UBXN7: variants seen among roughly 807,000 people sequenced by gnomAD.
UBXN7 encodes the protein UBX domain protein 7.
In UBXN7, 9 loss-of-function variants were observed where a neutral mutation model predicts 58.0. The ratio of observed to expected loss-of-function variants is 0.16; its 90% CI spans 0.09 to 0.27. The LOEUF (loss-of-function observed/expected upper bound fraction) is 0.27, where lower values mean the gene tolerates loss of function less well. Among genes scored for constraint, UBXN7 ranks in the 10% least tolerant of loss-of-function variants. The pLI, the probability that UBXN7 is intolerant of heterozygous loss-of-function variation, is 1.00. For synonymous variants in UBXN7, 208 were observed against 205.0 expected, an observed-to-expected ratio of 1.01 and a Z score of -0.12; for missense variants, 328 against 599.6, an observed-to-expected ratio of 0.55 and a Z score of 4.73.
intron 5 of UBXN7, among the ~76,000 whole-genome samples, chr3:196,377,638 C>G (rs572109242): frequency 7.2e-5 from 11 of 151,990 alleles, no homozygotes; most frequent in African/African-American, 2.7e-4. Context: ...ATACAGCCCC[C>G]CTCTCTCCTT....
chr3:196,390,705 C>T (rs1729554798), intron 5 of UBXN7, among the ~76,000 whole-genome samples: 1 of 149,564 alleles, frequency 6.7e-6, no homozygotes, highest in Non-Finnish European at 1.5e-5. Flanking sequence ...CGTGCCACTG[C>T]ACTCCGGCGA....
At chr3:196,385,566 G>A (rs9874783) in intron 5 of UBXN7, among the ~76,000 whole-genome samples, 12 of 150,948 alleles carry the variant, frequency 7.9e-5, no homozygotes, top group African/African-American at 2.4e-4. Context: ...AGAGCGCCTC[G>A]GCCCGGCAGT....
rs573564805 is a variant in UBXN7, at chr3:196,413,370, T to C, written c.74-5977A>G. ...AAGGTTAAAATGATAAATTTTGTTA[T>C]ATACGTGTTAATACAATTTAAAAAA... On this transcript the variant is annotated intron_variant, in intron 1 of 10. Coordinates refer to ENST00000296328, the MANE Select transcript of UBXN7 (RefSeq NM_015562.2). Among the ~76,000 whole-genome samples, 5 of 152,298 alleles carry C rather than the reference T, an allele frequency of 3.3e-5. No individual in the cohort carries two copies. The East Asian group carries it at 9.6e-4, about 29-fold the overall frequency.
At chr3:196,386,831 C>A (rs78691857) in intron 5 of UBXN7, among the ~76,000 whole-genome samples, 2 of 152,104 alleles carry the variant, frequency 1.3e-5, no homozygotes, top group African/African-American at 2.4e-5. Flanking sequence ...AAGTTACCAA[C>A]GACTTTCTTC....
At chr3:196,393,049 C>A (rs1258806126) in intron 4 of UBXN7, among the ~76,000 whole-genome samples, 3 of 152,166 alleles carry the variant, frequency 2.0e-5, no homozygotes, top group Non-Finnish European at 2.9e-5. Flanking sequence ...CTTTAGGATT[C>A]CATTGCTAAA....
intron 4 of UBXN7, among the ~76,000 whole-genome samples, chr3:196,392,717 C>T (rs1406082415): frequency 2.0e-5 from 3 of 151,424 alleles, no homozygotes; most frequent in Admixed American, 6.6e-5. Context: ...GCAGGAGAAT[C>T]GTTTGAACCT....
intron 5 of UBXN7, among the ~76,000 whole-genome samples, chr3:196,385,865 C>T (rs1258223804): frequency 1.3e-5 from 2 of 152,146 alleles, no homozygotes; most frequent in Non-Finnish European, 1.5e-5. Flanking sequence ...GCCGCCACCC[C>T]ATCTGGGAGG....
At chr3:196,424,662 C>T (rs1048586783) in intron 1 of UBXN7, among the ~76,000 whole-genome samples, 14 of 150,300 alleles carry the variant, frequency 9.3e-5, no homozygotes, top group Non-Finnish European at 1.8e-4. Context: ...CTGGGATTAC[C>T]GGTGTGAGCC....
intron 1 of UBXN7, among the ~76,000 whole-genome samples, chr3:196,417,724 TA>T (rs749981900): frequency 0.12 from 3,737 of 31,696 alleles, 77 homozygotes; most frequent in Non-Finnish European, 0.15. Context: ...GCAAAATGGT[TA>T]AAAAAAAAAA....
chr3:196,386,380 T>TAAAAAAAAAACA (rs1729398099), intron 5 of UBXN7, among the ~76,000 whole-genome samples: 1 of 57,728 alleles, frequency 1.7e-5, no homozygotes, highest in African/African-American at 7.0e-5. Context: ...TAATAAACAC[T>TAAAAAAAAAACA]AAAAAAAAAA....
At chr3:196,393,146 T>C (rs1729637352) in intron 4 of UBXN7, among the ~76,000 whole-genome samples, 1 of 152,232 alleles carries the variant, frequency 6.6e-6, no homozygotes, top group Non-Finnish European at 1.5e-5. Context: ...GTAGCCAAAA[T>C]ATTAATAGTG....
chr3:196,388,409 G>T (rs562044078), intron 5 of UBXN7, among the ~76,000 whole-genome samples: 8 of 151,858 alleles, frequency 5.3e-5, no homozygotes, highest in Non-Finnish European at 7.4e-5. Flanking sequence ...TATCAAACCT[G>T]CATGTTATGC....
chr3:196,416,231 G>A (rs1415943817), intron 1 of UBXN7: 2 of 152,178 alleles, frequency 1.3e-5, no homozygotes, highest in Non-Finnish European at 2.9e-5. Flanking sequence ...CCTGAGGCCA[G>A]GAGTTCAAGA....
At position 196,350,915 on chromosome 3, in the gene UBXN7, T is replaced by TACAC. The variant is rs1268143754; in HGVS notation, c.*5766_*5769dup. On this transcript the variant is annotated 3_prime_UTR_variant, in exon 11 of 11. Coordinates refer to ENST00000296328, the MANE Select transcript of UBXN7 (RefSeq NM_015562.2). Reference sequence around the variant, plus strand: ...ATCCAGTGAAGTTGAATGTCCATAGTACACAGCTGTCTTTAGCCTATTCAT... The same window carrying TACAC: ...ATCCAGTGAAGTTGAATGTCCATAGTACACACACAGCTGTCTTTAGCCTATTCAT... 6.6e-6 allele frequency: 1 copy of TACAC among 152,240 alleles called. No homozygotes were observed. Among genetic ancestry groups the TACAC allele is most frequent in the Non-Finnish European group, 1.5e-5 (1 of 68,052 alleles). 9.4% of individuals were successfully genotyped at this position (152,240 alleles called of 1,614,324 possible). A position where few individuals can be genotyped will look rare whatever the true frequency, so the allele number is the denominator to read the frequency against.
chr3:196,399,291 CT>C (rs988357689), intron 3 of UBXN7, among the ~76,000 whole-genome samples: 8 of 152,018 alleles, frequency 5.3e-5, no homozygotes, highest in Non-Finnish European at 8.8e-5. Context: ...TTAAAGAAAA[CT>C]GCTTTTAAAT....
At chr3:196,426,194 G>A (rs369669127) in intron 1 of UBXN7, among the ~76,000 whole-genome samples, 1 of 151,460 alleles carries the variant, frequency 6.6e-6, no homozygotes, top group Non-Finnish European at 1.5e-5. Context: ...GACCAGCCTC[G>A]CCAACAAGAT....
chr3:196,368,674 A>G (rs1481915590), intron 7 of UBXN7, among the ~76,000 whole-genome samples: 1 of 152,202 alleles, frequency 6.6e-6, no homozygotes, highest in East Asian at 1.9e-4. Flanking sequence ...GCTATCACTT[A>G]CTGCCATTTA....
chr3:196,427,547 AC>A (rs892085260), intron 1 of UBXN7, among the ~76,000 whole-genome samples: 21 of 152,248 alleles, frequency 1.4e-4, no homozygotes, highest in African/African-American at 5.1e-4. Context: ...GAAGCTCCTG[AC>A]CTCCGGTGAT....
Position 196,423,286 on chromosome 3 carries a change from C to T in UBXN7, c.73+9041G>A, listed in dbSNP as rs116475789. On this transcript the variant is annotated intron_variant, in intron 1 of 10. Coordinates refer to ENST00000296328, the MANE Select transcript of UBXN7 (RefSeq NM_015562.2). ...ACCGCAACATGTAAGTGTTTCCACG[C>T]CAGCAAACATTTACTGAGTATCTAC... The T allele has an allele frequency of 9.9e-3, 1,516 of 153,624 alleles. 30 individuals are homozygous for T. Among genetic ancestry groups the T allele is most frequent in the African/African-American group, 0.035 (1,444 of 41,590 alleles). 9.5% of individuals were successfully genotyped at this position (153,624 alleles called of 1,614,324 possible). A position where few individuals can be genotyped will look rare whatever the true frequency, so the allele number is the denominator to read the frequency against.
Sources: allele counts gnomAD v4.1 joint callset (sites outside exome capture counted in the v4.1 genomes callset), GRCh38; gene constraint gnomAD v4.1.1; transcripts MANE v1.5; gene names NCBI Gene and HGNC (gene_info 2026-07-23, HGNC 2026-07-21).